The following DLC1 variants were observed in gnomAD, a reference collection of about 807,000 sequenced individuals.
DLC1 encodes the protein rho GTPase-activating protein 7.
Under a neutral mutation model 140.3 loss-of-function variants are expected in DLC1, and 54 were observed. That is an observed-to-expected ratio of 0.38 (90% CI 0.31 to 0.48). The LOEUF (loss-of-function observed/expected upper bound fraction) is 0.48, where lower values mean the gene tolerates loss of function less well. Among genes scored for constraint, DLC1 ranks in the 20% least tolerant of loss-of-function variants. The probability of loss-of-function intolerance (pLI) is 0.96; values close to 1 mark genes in which losing one functional copy is unlikely to be tolerated. For synonymous variants in DLC1, 986 were observed against 728.1 expected, an observed-to-expected ratio of 1.35 and a Z score of -5.70; for missense variants, 2,536 against 1,907.0, an observed-to-expected ratio of 1.33 and a Z score of -6.14.
At chr8:13,340,753 A>G (rs1353241382) in intron 4 of DLC1, 1 of 152,250 alleles carries the variant, frequency 6.6e-6, no homozygotes, top group Admixed American at 6.5e-5. Context: ...CAAACTCAGT[A>G]ACAATCTGGC....
chr8:13,297,418 T>C (rs2117487925), intron 5 of DLC1, among the ~76,000 whole-genome samples: 1 of 152,004 alleles, frequency 6.6e-6, no homozygotes, highest in Admixed American at 6.6e-5. Context: ...AAGAAAATTT[T>C]CACGTCTTGC....
At chr8:13,412,921 G>C (rs542634521) in intron 2 of DLC1, among the ~76,000 whole-genome samples, 1 of 109,448 alleles carries the variant, frequency 9.1e-6, no homozygotes, top group Non-Finnish European at 1.8e-5. Context: ...GACAGAGCGA[G>C]ACTCCATCTC....
Position 13,271,055 on chromosome 8 carries a change from T to C in DLC1, c.1348+34214A>G, listed in dbSNP as rs146955356. Reference sequence around the variant, plus strand: ...TGCAGGTCAACTCTCTAAGCCACTATATAATATATTCTCTCATCAAAGCCA... The same window carrying C: ...TGCAGGTCAACTCTCTAAGCCACTACATAATATATTCTCTCATCAAAGCCA... On this transcript the variant is annotated intron_variant, in intron 5 of 17. Coordinates refer to ENST00000276297, the MANE Select transcript of DLC1 (RefSeq NM_182643.3). 2.0e-3 allele frequency among the ~76,000 whole-genome samples: 304 copies of C among 152,292 alleles called. 4 individuals are homozygous for C. In the East Asian group the frequency reaches 0.021, roughly 11 times the overall value.
At chr8:13,454,542 A>G (rs182282353) in intron 2 of DLC1, among the ~76,000 whole-genome samples, 2 of 152,242 alleles carry the variant, frequency 1.3e-5, no homozygotes, top group Admixed American at 6.5e-5. Flanking sequence ...AAGGAGGTAT[A>G]CAAGAGTTTC....
Position 13,522,579 on chromosome 8 carries a change from T to C in DLC1, c.-125-22383A>G, listed in dbSNP as rs531118134. On this transcript the variant is annotated intron_variant, in intron 1 of 1. Transcript: ENST00000631382. ...GACAGAGGTTGAAGTGAGCCAAGAT[T>C]GTGCCATTGTACTCCAGCCTGGGCG... 3.7e-4 allele frequency among the ~76,000 whole-genome samples: 56 copies of C among 152,044 alleles called. No homozygotes were observed. In the South Asian group the frequency reaches 0.011, roughly 31 times the overall value.
chr8:13,315,544 A>G (rs895969296), intron 4 of DLC1, among the ~76,000 whole-genome samples: 4 of 152,218 alleles, frequency 2.6e-5, no homozygotes, highest in African/African-American at 7.2e-5. Flanking sequence ...TTAGAGATGA[A>G]CTTGATGTTG....
At chr8:13,596,696 C>T (rs1805690544) in intron 1 of DLC1, among the ~76,000 whole-genome samples, 1 of 151,790 alleles carries the variant, frequency 6.6e-6, no homozygotes, top group South Asian at 2.1e-4. Context: ...ATAAATTTTC[C>T]TAGGAACCTT....
At position 13,393,473 on chromosome 8, in the gene DLC1, A is replaced by C. The variant is rs1246291685; in HGVS notation, c.1314+80T>G. On this transcript the variant is annotated intron_variant, in intron 4 of 17. Transcript: ENST00000276297. ...CTAAGATTCCAACAGTATTTCTTCT[A>C]TATCGAATGAATATCAACTCTTACC... 3 of 1,424,036 alleles carry C rather than the reference A, an allele frequency of 2.1e-6. No homozygotes were observed. The African/African-American group carries it at 4.3e-5, about 20-fold the overall frequency. The allele number at this position is 1,424,036 out of a possible 1,614,324, so 88.2% of individuals were successfully genotyped here.
At chr8:13,455,661 C>A (rs1005288453) in intron 2 of DLC1, among the ~76,000 whole-genome samples, 2 of 152,218 alleles carry the variant, frequency 1.3e-5, no homozygotes, top group Admixed American at 6.5e-5. Context: ...TAGTTTTTCT[C>A]TTTTCAACAG....
intron 1 of DLC1, among the ~76,000 whole-genome samples, chr8:13,561,328 A>G (rs1804235939): frequency 6.6e-6 from 1 of 151,960 alleles, no homozygotes; most frequent in African/African-American, 2.4e-5. Context: ...CTGCAGCCAC[A>G]CCTAGCTAAG....
intron 5 of DLC1, among the ~76,000 whole-genome samples, chr8:13,201,921 GTT>G (rs35475930): frequency 7.9e-4 from 80 of 101,780 alleles, no homozygotes; most frequent in African/African-American, 2.2e-3. Context: ...TACCCAAAAG[GTT>G]TTTTTTTTTT....
intron 5 of DLC1, among the ~76,000 whole-genome samples, chr8:13,190,653 G>C (rs1024877178): frequency 6.6e-6 from 1 of 152,192 alleles, no homozygotes; most frequent in Non-Finnish European, 1.5e-5. Context: ...GTTATGTTTA[G>C]AGAAGTACCA....
intron 5 of DLC1, among the ~76,000 whole-genome samples, chr8:13,244,039 G>A (rs1585991286): frequency 6.6e-6 from 1 of 152,156 alleles, no homozygotes; most frequent in Non-Finnish European, 1.5e-5. Flanking sequence ...AGCACCCAAG[G>A]TAGGAACCTG....
intron 5 of DLC1, among the ~76,000 whole-genome samples, chr8:13,167,544 C>T (rs1825190615): frequency 6.6e-6 from 1 of 152,148 alleles, no homozygotes; most frequent in African/African-American, 2.4e-5. Flanking sequence ...ATTTGTGGCT[C>T]TTTGTGGCTT....
chr8:13,262,422 C>A (rs1586028405), intron 5 of DLC1, among the ~76,000 whole-genome samples: 1 of 151,692 alleles, frequency 6.6e-6, no homozygotes, highest in East Asian at 1.9e-4. Flanking sequence ...GACTTGTGTC[C>A]TTCTGGACTT....
chr8:13,353,107 A>G (rs1834750448), intron 4 of DLC1, among the ~76,000 whole-genome samples: 1 of 152,164 alleles, frequency 6.6e-6, no homozygotes, highest in Non-Finnish European at 1.5e-5. Flanking sequence ...TTAACCTGAA[A>G]GGTGGCTGAA....
At chr8:13,426,567 T>C (rs1324906691) in intron 2 of DLC1, among the ~76,000 whole-genome samples, 2 of 152,294 alleles carry the variant, frequency 1.3e-5, no homozygotes, top group Non-Finnish European at 1.5e-5. Flanking sequence ...CCATCTTTTC[T>C]CAGAAGGTCC....
chr8:13,391,703 C>T (rs1836769838), intron 4 of DLC1, among the ~76,000 whole-genome samples: 1 of 152,110 alleles, frequency 6.6e-6, no homozygotes, highest in Non-Finnish European at 1.5e-5. Context: ...CAACTGCACA[C>T]ATTCTTCAAC....
chr8:13,464,535 C>T (rs1799832558), intron 2 of DLC1, among the ~76,000 whole-genome samples: 1 of 151,678 alleles, frequency 6.6e-6, no homozygotes. Flanking sequence ...ACATATGTCC[C>T]ATATATGTAA....
Sources: gnomAD v4.1 joint callset for allele counts (sites outside exome capture counted in the v4.1 genomes callset) on GRCh38, gnomAD v4.1.1 for gene constraint, MANE v1.5 for transcripts, NCBI Gene and HGNC (gene_info 2026-07-23, HGNC 2026-07-21) for gene names.